ATP13A3: variants seen among roughly 807,000 people sequenced by gnomAD.
The protein encoded by ATP13A3 is polyamine-transporting ATPase 13A3.
A neutral mutation model predicts 158.1 loss-of-function variants in ATP13A3; 59 were observed. The ratio of observed to expected loss-of-function variants is 0.37; its 90% CI spans 0.30 to 0.46. ATP13A3 has a LOEUF of 0.46. ATP13A3 is among the 20% of genes least tolerant of loss of function. ATP13A3 has a pLI of 1.00. For synonymous variants in ATP13A3, 491 were observed against 504.3 expected, an observed-to-expected ratio of 0.97 and a Z score of 0.35; for missense variants, 1,166 against 1,525.2, an observed-to-expected ratio of 0.76 and a Z score of 3.92.
At chr3:194,483,865 A>C (rs1720857344) in intron 2 of ATP13A3, among the ~76,000 whole-genome samples, 1 of 152,256 alleles carries the variant, frequency 6.6e-6, no homozygotes, top group Admixed American at 6.5e-5. Context: ...AACTTTAAAA[A>C]ATAAGAAATG....
At chr3:194,461,451 G>A (rs967270634) in intron 3 of ATP13A3, among the ~76,000 whole-genome samples, 2 of 152,086 alleles carry the variant, frequency 1.3e-5, no homozygotes, top group South Asian at 2.1e-4. Context: ...ACATTTGGAC[G>A]AATAGATTTT....
At chr3:194,430,882 G>T in intron 24 of ATP13A3, 61 bp downstream of exon 24, 1 of 1,305,268 alleles carries the variant, frequency 7.7e-7, no homozygotes, top group Non-Finnish European at 1.1e-6. Context: ...TTATTTTTCT[G>T]ATGCTGAAAT....
At chr3:194,459,591 A>G (rs1359978578) in intron 5 of ATP13A3, 50 bp from the exon 6 acceptor site, 8 of 1,440,908 alleles carry the variant, frequency 5.6e-6, no homozygotes, top group Admixed American at 1.8e-5. Context: ...ATCACTTGTG[A>G]TATGTAATCT....
intron 31 of ATP13A3, among the ~76,000 whole-genome samples, chr3:194,415,338 G>A (rs1379080624): frequency 6.6e-6 from 1 of 152,148 alleles, no homozygotes; most frequent in Non-Finnish European, 1.5e-5. Flanking sequence ...ACGTGTGGGA[G>A]GTGAGCTGAA....
At chr3:194,418,516 T>C (rs1422977107) in intron 31 of ATP13A3, among the ~76,000 whole-genome samples, 1 of 152,136 alleles carries the variant, frequency 6.6e-6, no homozygotes, top group East Asian at 1.9e-4. Context: ...GCCAAAGGCA[T>C]GAATAGGCAG....
chr3:194,472,376 AATAAGGCAG>A (rs1235980605), intron 2 of ATP13A3, among the ~76,000 whole-genome samples: 2 of 152,188 alleles, frequency 1.3e-5, no homozygotes, highest in African/African-American at 4.8e-5. Flanking sequence ...TCTCCACTAA[AATAAGGCAG>A]ATAGAATAAT....
chr3:194,459,294 T>C, intron 6 of ATP13A3, 177 bp downstream of exon 6: 1 of 588,842 alleles, frequency 1.7e-6, no homozygotes, highest in Non-Finnish European at 3.1e-6. Context: ...GCGGTGGGAC[T>C]TATTTTAAAA....
Position 194,448,241 on chromosome 3 carries a change from C to A in ATP13A3, c.1150+216G>T, listed in dbSNP as rs930694580. Among the ~76,000 whole-genome samples the A allele has an allele frequency of 1.4e-4, 22 of 152,036 alleles. No homozygotes were observed. Among genetic ancestry groups the A allele is most frequent in the African/African-American group, 5.1e-4 (21 of 41,386 alleles). On this transcript the variant is annotated intron_variant, in intron 12 of 33. Coordinates refer to ENST00000645319, the MANE Select transcript of ATP13A3 (RefSeq NM_001367549.1). The surrounding 1 kb of genome is among the most constrained non-coding windows in gnomAD (Gnocchi z 4.0). ...TGCAGGCGCCCGCCACCAGGCCCGG[C>A]TAATTTTTTTGTAATTTTGGTAGAG... is the stretch of plus-strand genomic sequence containing the variant.
Position 194,403,698 on chromosome 3 carries a change from C to T in ATP13A3, c.*2221G>A, listed in dbSNP as rs72607888. On this transcript the variant is annotated 3_prime_UTR_variant, in exon 34 of 34. Coordinates refer to ENST00000645319, the MANE Select transcript of ATP13A3 (RefSeq NM_001367549.1). ...AAAATTACTATGTAATGGTAACCTA[C>T]GAGAGAAGACTCAGTCTATCTATGG... The T allele has an allele frequency of 0.029, 4,459 of 155,454 alleles. 604 individuals carry two copies. The East Asian group carries it at 0.46, about 16-fold the overall frequency. 9.6% of individuals were successfully genotyped at this position (155,454 alleles called of 1,614,324 possible). A position where few individuals can be genotyped will look rare whatever the true frequency, so the allele number is the denominator to read the frequency against.
intron 31 of ATP13A3, 53 bp from the exon 32 acceptor site, chr3:194,413,892 T>A: frequency 1.4e-6 from 2 of 1,416,482 alleles, no homozygotes; most frequent in East Asian, 4.6e-5. Flanking sequence ...GTCAATATTA[T>A]AGCACTGTAT....
rs1330766011 is a variant in ATP13A3, at chr3:194,454,834, A to AG, written c.631-443_631-442insC. Among the ~76,000 whole-genome samples the AG allele has an allele frequency of 2.0e-5, 3 of 152,290 alleles. No homozygotes were observed. The East Asian group carries it at 5.8e-4, about 29-fold the overall frequency. On this transcript the variant is annotated intron_variant, in intron 8 of 33. Coordinates refer to ENST00000645319, the MANE Select transcript of ATP13A3 (RefSeq NM_001367549.1). The stretch of plus-strand genomic sequence containing the variant: ...GCGAGACTCCGTCTCAAAAAAAAAA[A>AG]AAAAAGGTAGGGCAATATGCCATCA...
intron 13 of ATP13A3, among the ~76,000 whole-genome samples, 200 bp downstream of exon 13, chr3:194,447,652 T>G (rs1235163941): frequency 2.0e-5 from 3 of 152,022 alleles, no homozygotes. Context: ...GAAGTATCCT[T>G]TACAATGGAA....
rs564269140 is a variant in ATP13A3 at position 194,453,743 on chromosome 3, A to G, written c.801T>C (p.His267=). The change falls in exon 10 of 34, where the codon CAT becomes CAC. Residue 267 remains histidine, a synonymous_variant. Transcript: ENST00000645319. ...YVMLHDMVAT[H]STVRVSVCRV... is the part of the protein sequence containing the mutation. ...TACAAACTGAAACTCTTACGGTACTATGAGTTGCCACCATGTCATGCAACA... is the reference window on the plus strand; with the variant it reads ...TACAAACTGAAACTCTTACGGTACTGTGAGTTGCCACCATGTCATGCAACA... 1 of 1,613,866 alleles carries G rather than the reference A, an allele frequency of 6.2e-7. No individual in the cohort carries two copies. The highest frequency in any genetic ancestry group is 2.2e-5 in the East Asian group (1 of 44,870).
intron 31 of ATP13A3, among the ~76,000 whole-genome samples, chr3:194,418,986 ATACAC>A (rs1716095597): frequency 6.6e-6 from 1 of 152,186 alleles, no homozygotes; most frequent in African/African-American, 2.4e-5. Context: ...CCACTCTTTC[ATACAC>A]TATTACTTAC....
intron 14 of ATP13A3, among the ~76,000 whole-genome samples, chr3:194,445,045 C>T (rs376631831): frequency 4.9e-4 from 74 of 151,624 alleles, no homozygotes; most frequent in African/African-American, 1.7e-3. Context: ...TATATATTTA[C>T]GTGCTTATAC....
Position 194,448,505 on chromosome 3 carries a change from T to C in ATP13A3, c.1102A>G (p.Thr368Ala), listed in dbSNP as rs1560096945. The part of the protein sequence containing the change: ...TLFCGTTVIQ[T>A]RFYTGELVKA... Reference sequence around the variant, plus strand: ...ACGAGTTCTCCAGTGTAGAAACGAGTCTGAATAACAGTTGTCCCACAAAAC... The same window carrying C: ...ACGAGTTCTCCAGTGTAGAAACGAGCCTGAATAACAGTTGTCCCACAAAAC... The change falls in exon 12 of 34, where the codon ACT becomes GCT. Residue 368 changes from threonine (T) to alanine (A), a missense_variant. Coordinates refer to ENST00000645319, the MANE Select transcript of ATP13A3 (RefSeq NM_001367549.1). The surrounding 1 kb of genome is among the most constrained non-coding windows in gnomAD (Gnocchi z 4.0). The C allele has an allele frequency of 4.3e-6, 7 of 1,613,960 alleles. No individual in the cohort carries two copies. The highest frequency in any genetic ancestry group is 5.9e-6 in the Non-Finnish European group (7 of 1,180,002).
chr3:194,440,905 T>C (rs1301823446), intron 16 of ATP13A3, among the ~76,000 whole-genome samples: 3 of 152,178 alleles, frequency 2.0e-5, no homozygotes, highest in African/African-American at 7.2e-5. Flanking sequence ...CATGTGCATG[T>C]ATGTGGACAC....
rs766835507 is a variant in ATP13A3, at chr3:194,429,663, A to T, written c.2874+15T>A. 1.3e-6 allele frequency: 2 copies of T among 1,576,292 alleles called. No individual in the cohort carries two copies. The highest frequency in any genetic ancestry group is 1.7e-6 in the Non-Finnish European group (2 of 1,149,484). ...CACATTAAGTGTTATCTCTGCACAC[A>T]ATGTTAATACTCACAGAATACAGCA... On this transcript the variant is annotated intron_variant, in intron 27 of 33. Coordinates refer to ENST00000645319, the MANE Select transcript of ATP13A3 (RefSeq NM_001367549.1).
Position 194,405,821 on chromosome 3 carries a change from A to G in ATP13A3, c.*98T>C, listed in dbSNP as rs1714888550. 1.5e-6 allele frequency: 2 copies of G among 1,295,196 alleles called. No homozygotes were observed. The highest frequency in any genetic ancestry group is 1.5e-5 in the African/African-American group (1 of 68,072). 80.2% of individuals were successfully genotyped at this position (1,295,196 alleles called of 1,614,324 possible). ...AGCTACTATATCAGAAGGGACATAA[A>G]CTGAACTAGTGCCATTCTGACACAC... On this transcript the variant is annotated 3_prime_UTR_variant, in exon 34 of 34. Transcript: ENST00000645319.
Sources: gnomAD v4.1 joint callset for allele counts (sites outside exome capture counted in the v4.1 genomes callset) on GRCh38, gnomAD v4.1.1 for gene constraint, Gnocchi (gnomAD v3.1) non-coding constraint, MANE v1.5 for transcripts, NCBI Gene and HGNC (gene_info 2026-07-23, HGNC 2026-07-21) for gene names.